Variants in ADAMTSL3 observed in about 807,000 individuals in gnomAD.
The protein encoded by ADAMTSL3 is ADAMTS like 3.
A neutral mutation model predicts 201.7 loss-of-function variants in ADAMTSL3; 128 were observed. The observed-to-expected ratio is 0.63, with a 90% CI of 0.55 to 0.73. The LOEUF (loss-of-function observed/expected upper bound fraction) is 0.73, where lower values mean the gene tolerates loss of function less well. ADAMTSL3 is among the 30% of genes least tolerant of loss of function. The pLI, the probability that ADAMTSL3 is intolerant of heterozygous loss-of-function variation, is 0.00. For missense variants in ADAMTSL3, 1,990 were observed against 2,119.6 expected (o/e 0.94, Z 1.20); for synonymous variants, 738 against 748.4 (o/e 0.99, Z 0.23).
At chr15:83,850,563 C>T (rs1357764544) in intron 7 of ADAMTSL3, among the ~76,000 whole-genome samples, 1 of 151,532 alleles carries the variant, frequency 6.6e-6, no homozygotes, top group African/African-American at 2.4e-5. Context: ...CCAGCTACGA[C>T]CCTAATTTTT....
At chr15:83,719,746 A>G (rs1235841793) in intron 3 of ADAMTSL3, among the ~76,000 whole-genome samples, 1 of 152,164 alleles carries the variant, frequency 6.6e-6, no homozygotes, top group East Asian at 1.9e-4. Context: ...GGTAAAAGAT[A>G]AAAGTAACAA....
chr15:83,688,435 C>T (rs1387232761), intron 2 of ADAMTSL3, among the ~76,000 whole-genome samples: 1 of 151,896 alleles, frequency 6.6e-6, no homozygotes, highest in Non-Finnish European at 1.5e-5. Context: ...TACTTTAGAT[C>T]AGCTGTTACA....
intron 10 of ADAMTSL3, among the ~76,000 whole-genome samples, chr15:83,887,657 G>A (rs1269545235): frequency 1.3e-5 from 2 of 152,286 alleles, no homozygotes; most frequent in East Asian, 1.9e-4. Context: ...GTCTCACCAA[G>A]TTGCCCAGGC....
At chr15:83,924,104 C>A (rs2066203985) in intron 17 of ADAMTSL3, 71 bp downstream of exon 17, 1 of 1,567,190 alleles carries the variant, frequency 6.4e-7, no homozygotes, top group Non-Finnish European at 8.7e-7. Flanking sequence ...GAGAAACCCA[C>A]CTAAGTGCAG....
chr15:83,746,539 T>G (rs2141656912), intron 3 of ADAMTSL3, among the ~76,000 whole-genome samples: 1 of 152,282 alleles, frequency 6.6e-6, no homozygotes, highest in East Asian at 1.9e-4. Flanking sequence ...AGCTCTTGAA[T>G]GACAGAGTTA....
At chr15:83,728,152 A>T (rs1454030524) in intron 3 of ADAMTSL3, among the ~76,000 whole-genome samples, 1 of 151,756 alleles carries the variant, frequency 6.6e-6, no homozygotes, top group African/African-American at 2.4e-5. Flanking sequence ...TTGTCTTGAA[A>T]TATATTTTGT....
chr15:83,917,939 CTATTT>C (rs1458514445), intron 16 of ADAMTSL3, among the ~76,000 whole-genome samples: 1 of 152,076 alleles, frequency 6.6e-6, no homozygotes, highest in African/African-American at 2.4e-5. Context: ...AGTGGGATGA[CTATTT>C]TATAATATAA....
In ADAMTSL3 at chr15:83,982,437, C is replaced by G. The variant is rs370313572; in HGVS notation, c.2809C>G (p.Arg937Gly). ...ATCCGTGATTATTAAGTGCCCCGTG[C>G]GACGATTCCAGAAATCTCTGATCCA... is the stretch of plus-strand genomic sequence containing the variant. ...NTSVIIKCPV[R>G]RFQKSLIQWE... The change falls in exon 21 of 30, where the codon CGA becomes GGA. Residue 937 changes from arginine (R) to glycine (G), a missense_variant. Coordinates refer to ENST00000286744, the MANE Select transcript of ADAMTSL3 (RefSeq NM_207517.3). 6.2e-7 allele frequency: 1 copy of G among 1,614,070 alleles called. No homozygotes were observed. The highest frequency in any genetic ancestry group is 1.7e-5 in the Admixed American group (1 of 60,012).
At chr15:83,889,122 C>T (rs1175736630) in intron 10 of ADAMTSL3, among the ~76,000 whole-genome samples, 2 of 152,132 alleles carry the variant, frequency 1.3e-5, no homozygotes. Context: ...AAATTTATAG[C>T]ACTCATCTAT....
chr15:83,856,817 G>C (rs1389316525), intron 7 of ADAMTSL3, among the ~76,000 whole-genome samples: 1 of 152,120 alleles, frequency 6.6e-6, no homozygotes. Context: ...ATTCTTTTGG[G>C]TATATTCCTA....
At chr15:83,813,933 C>T (rs539758257) in intron 5 of ADAMTSL3, among the ~76,000 whole-genome samples, 13 of 152,092 alleles carry the variant, frequency 8.5e-5, no homozygotes, top group African/African-American at 2.9e-4. Context: ...TGTTTTTATA[C>T]CAGGGTTTAT....
Position 84,016,367 on chromosome 15 carries a change from T to C in ADAMTSL3, c.4157-16T>C, listed in dbSNP as rs1373386164. 2.2e-6 allele frequency: 3 copies of C among 1,391,684 alleles called. No homozygotes were observed. The highest frequency in any genetic ancestry group is 2.0e-6 in the Non-Finnish European group (2 of 1,020,496). The allele number at this position is 1,391,684 out of a possible 1,614,324, so 86.2% of individuals were successfully genotyped here. ...AATGTCTAACTGGTAAAAGTGCTAC[T>C]TTTTTTTTTCCTCAGAACGAAGATG... On this transcript the variant is annotated splice_polypyrimidine_tract_variant and intron_variant, in intron 24 of 29. Transcript: ENST00000286744.
chr15:83,691,701 A>G (rs1166860504), intron 2 of ADAMTSL3, among the ~76,000 whole-genome samples: 1 of 152,040 alleles, frequency 6.6e-6, no homozygotes, highest in African/African-American at 2.4e-5. Context: ...TGCAACCTCC[A>G]CCTCCCAGGT....
chr15:84,005,220 A>G (rs1005916485), intron 23 of ADAMTSL3, among the ~76,000 whole-genome samples: 1 of 152,202 alleles, frequency 6.6e-6, no homozygotes, highest in African/African-American at 2.4e-5. Context: ...ATAGCAGTGG[A>G]ATCCACTTGG....
Position 83,983,351 on chromosome 15 carries a change from A to G in ADAMTSL3, c.3716+7A>G, listed in dbSNP as rs2067423389. 6.8e-7 allele frequency: 1 copy of G among 1,465,176 alleles called. No homozygotes were observed. Among genetic ancestry groups the G allele is most frequent in the African/African-American group, 1.4e-5 (1 of 70,356 alleles). The allele number at this position is 1,465,176 out of a possible 1,614,324, so 90.8% of individuals were successfully genotyped here. ...TGTTACAGCCCTCAGTAAAGTAAGT[A>G]AAATAAAAATGCAGTATTCATTTTT... On this transcript the variant is annotated splice_region_variant and intron_variant, in intron 21 of 29. Coordinates refer to ENST00000286744, the MANE Select transcript of ADAMTSL3 (RefSeq NM_207517.3).
At chr15:83,807,961 A>G (rs918278615) in intron 5 of ADAMTSL3, among the ~76,000 whole-genome samples, 2 of 152,358 alleles carry the variant, frequency 1.3e-5, no homozygotes, top group Admixed American at 6.5e-5. Context: ...CTGGACCCCT[A>G]TCTCTCACCG....
intron 4 of ADAMTSL3, among the ~76,000 whole-genome samples, chr15:83,787,660 A>C (rs979704330): frequency 2.6e-5 from 4 of 152,008 alleles, no homozygotes; most frequent in Non-Finnish European, 5.9e-5. Context: ...TAACAATTCT[A>C]TCTGATTCTC....
intron 19 of ADAMTSL3, among the ~76,000 whole-genome samples, chr15:83,946,930 C>T (rs1249701689): frequency 2.6e-5 from 4 of 152,160 alleles, no homozygotes; most frequent in African/African-American, 4.8e-5. Flanking sequence ...GGAGGAAGGG[C>T]AAGCGTATAT....
At chr15:83,664,352 A>G (rs557903371) in intron 2 of ADAMTSL3, among the ~76,000 whole-genome samples, 11 of 152,138 alleles carry the variant, frequency 7.2e-5, no homozygotes, top group East Asian at 1.9e-4. Flanking sequence ...TGCCTCTTCA[A>G]TGAGCTGCAG....
Sources: allele counts gnomAD v4.1 joint callset (sites outside exome capture counted in the v4.1 genomes callset), GRCh38; gene constraint gnomAD v4.1.1; transcripts MANE v1.5; gene names NCBI Gene and HGNC (gene_info 2026-07-23, HGNC 2026-07-21).